The following LRRC3B variants were observed in gnomAD, a reference collection of about 807,000 sequenced individuals.
LRRC3B encodes the protein leucine-rich repeat-containing protein 3B.
LRRC3B carries 2 observed loss-of-function variants against 12.8 expected under a neutral mutation model. The observed-to-expected ratio is 0.16, with a 90% CI of 0.06 to 0.49. LRRC3B has a LOEUF of 0.49. Ranked by LOEUF, LRRC3B falls within the 20% of genes least tolerant of loss-of-function variation. LRRC3B has a pLI of 0.96. For synonymous variants in LRRC3B, 132 were observed against 122.0 expected (o/e 1.08, Z -0.54); for missense variants, 189 against 319.4 (o/e 0.59, Z 3.11).
intron 1 of LRRC3B, among the ~76,000 whole-genome samples, chr3:26,637,066 G>A (rs546237951): frequency 2.0e-5 from 3 of 149,422 alleles, no homozygotes; most frequent in South Asian, 2.1e-4. Flanking sequence ...GCGTGATCTC[G>A]GCTCACTGCA....
chr3:26,657,583 T>C (rs1156934324), intron 1 of LRRC3B, among the ~76,000 whole-genome samples: 1 of 152,216 alleles, frequency 6.6e-6, no homozygotes, highest in Non-Finnish European at 1.5e-5. Flanking sequence ...ATGGTATTAG[T>C]CATTTAAAAA....
intron 1 of LRRC3B, among the ~76,000 whole-genome samples, chr3:26,692,925 G>A (rs1429945964): frequency 1.3e-5 from 2 of 152,132 alleles, no homozygotes; most frequent in Non-Finnish European, 2.9e-5. Flanking sequence ...GAGTGTGGCT[G>A]GCTCTAGGCT....
In LRRC3B at chr3:26,678,005, C is replaced by T. The variant is rs570841184; in HGVS notation, c.-160-31508C>T. Among the ~76,000 whole-genome samples the T allele has an allele frequency of 7.1e-4, 108 of 151,934 alleles. 1 individual carries two copies. The highest frequency in any genetic ancestry group is 1.1e-3 in the African/African-American group (47 of 41,446). On this transcript the variant is annotated intron_variant, in intron 1 of 1. Transcript: ENST00000396641. Reference sequence around the variant, plus strand: ...CTTCTTTTTTATTTTTTTGTAGAGACGAGATCTCGCCATGTTGCCCAGGCT... The same window carrying T: ...CTTCTTTTTTATTTTTTTGTAGAGATGAGATCTCGCCATGTTGCCCAGGCT...
chr3:26,651,972 G>T (rs575082321), intron 1 of LRRC3B, among the ~76,000 whole-genome samples: 1 of 152,270 alleles, frequency 6.6e-6, no homozygotes, highest in South Asian at 2.1e-4. Flanking sequence ...ACTTGCCCAG[G>T]ATCCTGGTGC....
intron 1 of LRRC3B, among the ~76,000 whole-genome samples, chr3:26,705,885 G>C (rs1358845492): frequency 1.3e-5 from 2 of 152,114 alleles, no homozygotes; most frequent in African/African-American, 4.8e-5. Flanking sequence ...GGAAACTATA[G>C]AACCAGTATC....
At chr3:26,682,568 A>G (rs536650983) in intron 1 of LRRC3B, among the ~76,000 whole-genome samples, 1 of 152,302 alleles carries the variant, frequency 6.6e-6, no homozygotes, top group Admixed American at 6.5e-5. Flanking sequence ...ATTTTCCCCC[A>G]GGAGGTCCTG....
chr3:26,696,563 GT>G (rs1411817858), intron 1 of LRRC3B, among the ~76,000 whole-genome samples: 5 of 152,132 alleles, frequency 3.3e-5, no homozygotes, highest in African/African-American at 1.2e-4. Flanking sequence ...GCGTAGGACT[GT>G]TCCTTCTTGA....
At chr3:26,692,313 AC>A (rs1559368961) in intron 1 of LRRC3B, among the ~76,000 whole-genome samples, 1 of 152,180 alleles carries the variant, frequency 6.6e-6, no homozygotes, top group African/African-American at 2.4e-5. Flanking sequence ...CCTGGTCTTA[AC>A]CCCTGGACTA....
chr3:26,666,241 G>A (rs1302630654), intron 1 of LRRC3B, among the ~76,000 whole-genome samples: 1 of 151,990 alleles, frequency 6.6e-6, no homozygotes, highest in Non-Finnish European at 1.5e-5. Flanking sequence ...GTAACCGCAA[G>A]GAAAAGGTGA....
chr3:26,671,369 T>TAGAGAGAGAGAGAGAGAGAGAGAGAG lies in LRRC3B; in HGVS notation c.-160-38143_-160-38142insGAGAGAGAGAGAGAGAGAGAGAGAGA, dbSNP rs773929815. ...ATGTGTGTATATATATATATATATA[T>TAGAGAGAGAGAGAGAGAGAGAGAGAG]ATATAGAGAGAGAGAGAGAGAGAGA... On this transcript the variant is annotated intron_variant, in intron 1 of 1. Coordinates refer to ENST00000396641, the Ensembl canonical transcript of LRRC3B. 2.1e-4 allele frequency among the ~76,000 whole-genome samples: 8 copies of TAGAGAGAGAGAGAGAGAGAGAGAGAG among 38,202 alleles called. 1 individual carries two copies. The highest frequency in any genetic ancestry group is 3.7e-4 in the Non-Finnish European group (8 of 21,382). The allele number at this position is 38,202 out of a possible 152,430, so 25.1% of individuals were successfully genotyped here.
chr3:26,700,734 G>A (rs11716349), intron 1 of LRRC3B, among the ~76,000 whole-genome samples: 44,299 of 151,998 alleles, frequency 0.29, 7,024 homozygotes, highest in Middle Eastern at 0.41. Context: ...GAGTTTAGCT[G>A]TAAAATGGTG....
At position 26,685,840 on chromosome 3, in the gene LRRC3B, G is replaced by T. The variant is rs1046185404; in HGVS notation, c.-160-23673G>T. Among the ~76,000 whole-genome samples, 12 of 151,852 alleles carry T rather than the reference G, an allele frequency of 7.9e-5. 1 individual carries two copies. Among genetic ancestry groups the T allele is most frequent in the Non-Finnish European group, 1.6e-4 (11 of 67,984 alleles). The stretch of plus-strand genomic sequence containing the variant: ...GTGTCTAATGTCATTTAGTGGTTCA[G>T]TGGGGGCACATGCCCAGATATGCTC... On this transcript the variant is annotated intron_variant, in intron 1 of 1. Transcript: ENST00000396641.
At chr3:26,659,084 G>A (rs1214473998) in intron 1 of LRRC3B, among the ~76,000 whole-genome samples, 3 of 152,194 alleles carry the variant, frequency 2.0e-5, no homozygotes, top group Non-Finnish European at 2.9e-5. Context: ...GGAGGTGGAA[G>A]TAAATATGTA....
intron 1 of LRRC3B, among the ~76,000 whole-genome samples, chr3:26,636,052 A>G (rs927995774): frequency 6.6e-6 from 1 of 152,196 alleles, no homozygotes; most frequent in African/African-American, 2.4e-5. Context: ...TGATATAATG[A>G]TACAAAAATA....
At chr3:26,635,971 C>T (rs1574647) in intron 1 of LRRC3B, among the ~76,000 whole-genome samples, 80 of 152,218 alleles carry the variant, frequency 5.3e-4, no homozygotes, top group Non-Finnish European at 1.0e-3. Context: ...TTTTAGGATG[C>T]GCATACACAC....
intron 1 of LRRC3B, chr3:26,694,869 G>A (rs1158642567): frequency 1.3e-5 from 2 of 152,188 alleles, no homozygotes; most frequent in Non-Finnish European, 2.9e-5. Flanking sequence ...CTCTTTGTTT[G>A]TTGCTTAGTT....
In LRRC3B at chr3:26,649,308, G is replaced by A. The variant is rs532550237; in HGVS notation, c.-161+26071G>A. 3.3e-4 allele frequency among the ~76,000 whole-genome samples: 50 copies of A among 152,304 alleles called. No individual in the cohort carries two copies. The South Asian group carries it at 9.3e-3, about 28-fold the overall frequency. On this transcript the variant is annotated intron_variant, in intron 1 of 1. Transcript: ENST00000396641. ...GAATGGGCAGCCTCTACTGGTCTTA[G>A]TGGAAAAACTACCATTGGGGTTCTA...
At chr3:26,658,338 G>GT (rs1699420325) in intron 1 of LRRC3B, among the ~76,000 whole-genome samples, 2 of 152,144 alleles carry the variant, frequency 1.3e-5, no homozygotes, top group Admixed American at 1.3e-4. Flanking sequence ...GATTATAGGC[G>GT]TGAGCCACCA....
chr3:26,661,932 A>T lies in LRRC3B; in HGVS notation c.-161+38695A>T, dbSNP rs187542925. On this transcript the variant is annotated intron_variant, in intron 1 of 1. Coordinates refer to ENST00000396641, the Ensembl canonical transcript of LRRC3B. ...CAGGAATTGCAGAAAGGCCCAGAAT[A>T]AAGAGATGTTTTCTCAGAGTTACAG... Among the ~76,000 whole-genome samples, 399 of 152,306 alleles carry T rather than the reference A, an allele frequency of 2.6e-3. 2 individuals are homozygous for T. The highest frequency in any genetic ancestry group is 7.8e-3 in the African/African-American group (324 of 41,568).
Sources: gnomAD v4.1 joint callset for allele counts (sites outside exome capture counted in the v4.1 genomes callset) on GRCh38, gnomAD v4.1.1 for gene constraint, MANE v1.5 for transcripts, NCBI Gene and HGNC (gene_info 2026-07-23, HGNC 2026-07-21) for gene names.